Variants in EP300 observed in about 807,000 individuals in gnomAD.
EP300 encodes EP300 lysine acetyltransferase.
A neutral mutation model predicts 264.0 loss-of-function variants in EP300; 31 were observed. That is an observed-to-expected ratio of 0.12 (90% CI 0.09 to 0.16). EP300 has a LOEUF of 0.16. Among genes scored for constraint, EP300 ranks in the 10% least tolerant of loss-of-function variants. EP300 has a pLI of 1.00. For synonymous variants in EP300, 1,340 were observed against 1,045.4 expected (o/e 1.28, Z -5.44); for missense variants, 2,766 against 3,052.9 (o/e 0.91, Z 2.21).
intron 17 of EP300, among the ~76,000 whole-genome samples, chr22:41,156,367 C>T (rs1482716868): frequency 6.6e-6 from 1 of 152,130 alleles, no homozygotes; most frequent in Non-Finnish European, 1.5e-5. Flanking sequence ...CCGTGGTTAG[C>T]TTTGTTTTTA....
At position 41,179,626 on chromosome 22, in the gene EP300, G is replaced by A. The variant is rs1381676038; in HGVS notation, c.*670G>A. On this transcript the variant is annotated 3_prime_UTR_variant, in exon 31 of 31. Coordinates refer to ENST00000263253, the MANE Select transcript of EP300 (RefSeq NM_001429.4). ...TGTAAGTCTGAGCGTAAAACTTCAA[G>A]TATTAAAATAATTTGTACATGTAGA... The A allele has an allele frequency of 9.1e-6, 2 of 220,318 alleles. No individual in the cohort carries two copies. The highest frequency in any genetic ancestry group is 1.8e-5 in the Non-Finnish European group (2 of 110,712). The allele number at this position is 220,318 out of a possible 1,614,324, so 13.6% of individuals were successfully genotyped here.
chr22:41,173,158 T>C (rs145073014), intron 28 of EP300, among the ~76,000 whole-genome samples: 12 of 152,340 alleles, frequency 7.9e-5, no homozygotes, highest in African/African-American at 2.4e-4. Context: ...CCATTGAATT[T>C]AACTTAACAA....
chr22:41,176,595 A>G (rs1011298313), intron 30 of EP300, 67 bp downstream of exon 30: 32 of 1,609,914 alleles, frequency 2.0e-5, no homozygotes, highest in African/African-American at 2.7e-5. Flanking sequence ...CCATGCAGCC[A>G]CGTATTTTAT....
chr22:41,104,570 G>C (rs1028407030), intron 1 of EP300, among the ~76,000 whole-genome samples: 3 of 152,092 alleles, frequency 2.0e-5, no homozygotes, highest in Non-Finnish European at 4.4e-5. Flanking sequence ...GGTTACAGGC[G>C]TGAGCCACCA....
intron 20 of EP300, among the ~76,000 whole-genome samples, chr22:41,162,372 A>G (rs2059112860): frequency 6.6e-6 from 1 of 152,202 alleles, no homozygotes; most frequent in Non-Finnish European, 1.5e-5. Flanking sequence ...TTTTGTATGT[A>G]GTGAGGCTAT....
In EP300 at chr22:41,160,449, CAAACAAAA is replaced by C. The variant is rs1808776228; in HGVS notation, c.3591-188_3591-181del. 3 of 397,600 alleles carry C rather than the reference CAAACAAAA, an allele frequency of 7.5e-6. No homozygotes were observed. The South Asian group carries it at 1.2e-4, about 15-fold the overall frequency. The allele number at this position is 397,600 out of a possible 1,614,324, so 24.6% of individuals were successfully genotyped here. On this transcript the variant is annotated intron_variant, in intron 19 of 30. Coordinates refer to ENST00000263253, the MANE Select transcript of EP300 (RefSeq NM_001429.4). ...AAAAAAACAAAAAAAAACAAAAAAACAAACAAAAAAACCAAAACCCAAACTGTGGGGCC... is the reference window on the plus strand; with the variant it reads ...AAAAAAACAAAAAAAAACAAAAAAACAAACCAAAACCCAAACTGTGGGGCC...
At chr22:41,152,421 T>A (rs2059051941) in intron 16 of EP300, 71 bp downstream of exon 16, 2 of 1,547,784 alleles carry the variant, frequency 1.3e-6, no homozygotes, top group Non-Finnish European at 1.8e-6. Flanking sequence ...ATTGCGGTCA[T>A]GCCTCTTGGG....
At chr22:41,108,702 A>G (rs1050559683) in intron 1 of EP300, among the ~76,000 whole-genome samples, 1 of 152,218 alleles carries the variant, frequency 6.6e-6, no homozygotes, top group Non-Finnish European at 1.5e-5. Flanking sequence ...TGATGTTTGT[A>G]TTGGAGCATC....
At chr22:41,166,708 T>C (rs756557416) in intron 23 of EP300, 42 bp downstream of exon 23, 1 of 1,392,762 alleles carries the variant, frequency 7.2e-7, no homozygotes, top group South Asian at 1.2e-5. Flanking sequence ...AAAACTTATC[T>C]GAAGCCTAGA....
At chr22:41,128,951 TAAAC>T (rs1439588576) in intron 4 of EP300, among the ~76,000 whole-genome samples, 1 of 152,194 alleles carries the variant, frequency 6.6e-6, no homozygotes, top group Non-Finnish European at 1.5e-5. Context: ...AAAGCTGCCA[TAAAC>T]AAAATCAATT....
intron 28 of EP300, among the ~76,000 whole-genome samples, chr22:41,172,882 T>C (rs548760951): frequency 6.6e-6 from 1 of 152,362 alleles, no homozygotes; most frequent in African/African-American, 2.4e-5. Flanking sequence ...TCTCAGACTT[T>C]GAGTAATGTG....
Position 41,178,298 on chromosome 22 carries a change from G to C in EP300, c.6587G>C (p.Gly2196Ala). The change falls in exon 31 of 31, where the codon GGA becomes GCA. Residue 2196 changes from glycine (G) to alanine (A), a missense_variant. Physicochemically the swap from Gly to Ala is moderately conservative, Grantham distance 60. Coordinates refer to ENST00000263253, the MANE Select transcript of EP300 (RefSeq NM_001429.4). ...QQMMQQQQQQ[G>A]AGPGIGPGMA... The stretch of plus-strand genomic sequence containing the variant: ...ATGATGCAACAGCAGCAGCAACAGG[G>C]AGCAGGGCCAGGAATAGGCCCTGGA... 1 of 1,614,136 alleles carries C rather than the reference G, an allele frequency of 6.2e-7. No individual in the cohort carries two copies. The highest frequency in any genetic ancestry group is 1.3e-5 in the African/African-American group (1 of 75,016).
At position 41,141,140 on chromosome 22, in the gene EP300, G is replaced by A. The variant is rs779881493; in HGVS notation, c.1971G>A (p.Met657Ile). The A allele has an allele frequency of 1.2e-6, 2 of 1,614,158 alleles. No homozygotes were observed. The highest frequency in any genetic ancestry group is 1.3e-5 in the African/African-American group (1 of 75,044). ...KRRTRLQKQN[M>I]LPNAAGMVPV... ...GGACCAGACTACAGAAGCAGAACAT[G>A]CTACCAAATGCTGCAGGCATGGTTC... The change falls in exon 10 of 31, where the codon ATG (methionine) becomes ATA (isoleucine). Residue 657 changes from methionine (M) to isoleucine (I), a missense_variant. Transcript: ENST00000263253.
chr22:41,158,115 T>C (rs1341892616), intron 18 of EP300, among the ~76,000 whole-genome samples: 1 of 152,224 alleles, frequency 6.6e-6, no homozygotes, highest in African/African-American at 2.4e-5. Flanking sequence ...ACTCTTGGGC[T>C]CACGCAGTCT....
At chr22:41,166,460 TTG>T in intron 22 of EP300, 137 bp from the exon 23 acceptor site, 1 of 655,422 alleles carries the variant, frequency 1.5e-6, no homozygotes, top group Non-Finnish European at 2.7e-6. Context: ...TAAAAGCTCT[TTG>T]TGTATTAGTT....
At chr22:41,121,692 G>A (rs1011826201) in intron 2 of EP300, among the ~76,000 whole-genome samples, 6 of 152,144 alleles carry the variant, frequency 3.9e-5, no homozygotes, top group African/African-American at 1.4e-4. Flanking sequence ...GGTCTAGGCA[G>A]GCAAGGCATG....
chr22:41,150,607 G>T (rs1050873051), intron 14 of EP300, among the ~76,000 whole-genome samples: 2 of 152,050 alleles, frequency 1.3e-5, no homozygotes, highest in African/African-American at 4.8e-5. Flanking sequence ...TTGCAGATTT[G>T]GACGGGCGCG....
chr22:41,104,696 G>C (rs1362950846), intron 1 of EP300, among the ~76,000 whole-genome samples: 2 of 152,138 alleles, frequency 1.3e-5, no homozygotes, highest in Admixed American at 1.3e-4. Flanking sequence ...TCACATTCTT[G>C]ATCAATTAAA....
intron 25 of EP300, chr22:41,169,094 G>A (rs762271056): frequency 1.6e-6 from 1 of 623,062 alleles, no homozygotes; most frequent in Non-Finnish European, 2.8e-6. Context: ...GATATGAATA[G>A]CAACCTGAAA....
Sources: allele counts gnomAD v4.1 joint callset (sites outside exome capture counted in the v4.1 genomes callset), GRCh38; gene constraint gnomAD v4.1.1; transcripts MANE v1.5; gene names NCBI Gene and HGNC (gene_info 2026-07-23, HGNC 2026-07-21).